TAF4B: variants seen among roughly 807,000 people sequenced by gnomAD.
TAF4B encodes the protein TATA-box binding protein associated factor 4b, also known as transcription initiation factor TFIID subunit 4B.
A neutral mutation model predicts 86.4 loss-of-function variants in TAF4B; 38 were observed. That is an observed-to-expected ratio of 0.44 (90% CI 0.34 to 0.58). TAF4B has a LOEUF of 0.58. TAF4B is among the 20% of genes least tolerant of loss of function. The pLI is 0.02. For missense variants in TAF4B, 988 were observed against 1,027.6 expected (o/e 0.96, Z 0.53); for synonymous variants, 388 against 391.2 (o/e 0.99, Z 0.10).
chr18:26,314,755 G>A (rs1457828806), intron 9 of TAF4B, among the ~76,000 whole-genome samples: 4 of 152,194 alleles, frequency 2.6e-5, no homozygotes, highest in Non-Finnish European at 5.9e-5. Flanking sequence ...ACTGGGGACA[G>A]CTGATGGACT....
rs771150440 is a variant in TAF4B, at chr18:26,274,809, G to C, written c.744G>C (p.Gln248His). Residue 248 changes from glutamine to histidine, a missense_variant, in exon 4 of 15, where the codon CAG becomes CAC. Gln to His is a conservative substitution (Grantham distance 24). Coordinates refer to ENST00000269142, the MANE Select transcript of TAF4B (RefSeq NM_005640.3). Reference sequence around the variant, plus strand: ...AAGCAGAGAACTCAGCAGCTGTTCAGATTAATCTTTCTCCGGTAAGCTCTT... The same window carrying C: ...AAGCAGAGAACTCAGCAGCTGTTCACATTAATCTTTCTCCGGTAAGCTCTT... The part of the protein sequence containing the change: ...NLKAENSAAV[Q>H]INLSPTMLEN... The C allele has an allele frequency of 8.1e-6, 13 of 1,614,044 alleles. No homozygotes were observed. The highest frequency in any genetic ancestry group is 1.0e-5 in the Non-Finnish European group (12 of 1,180,022).
At chr18:26,354,135 G>A (rs1173241550) in intron 13 of TAF4B, among the ~76,000 whole-genome samples, 1 of 152,158 alleles carries the variant, frequency 6.6e-6, no homozygotes, top group African/African-American at 2.4e-5. Flanking sequence ...GAGTGCAGTG[G>A]CATGATCTCG....
At chr18:26,384,185 GTAAATC>G (rs1978310190) in intron 14 of TAF4B, among the ~76,000 whole-genome samples, 1 of 152,180 alleles carries the variant, frequency 6.6e-6, no homozygotes, top group Non-Finnish European at 1.5e-5. Context: ...GGGACTTAGT[GTAAATC>G]AGGTAGAATC....
chr18:26,385,686 T>TTG (rs1341775250), intron 14 of TAF4B, among the ~76,000 whole-genome samples: 4 of 141,948 alleles, frequency 2.8e-5, no homozygotes, highest in East Asian at 2.0e-4. Context: ...AGCGTTTTTT[T>TTG]TTTTTTTTCT....
At chr18:26,374,593 C>G (rs2057430174) in intron 14 of TAF4B, among the ~76,000 whole-genome samples, 1 of 152,172 alleles carries the variant, frequency 6.6e-6, no homozygotes, top group African/African-American at 2.4e-5. Flanking sequence ...TGATTAACAA[C>G]AAACCAACGT....
At chr18:26,370,815 T>A (rs1181098822) in intron 14 of TAF4B, among the ~76,000 whole-genome samples, 1 of 151,976 alleles carries the variant, frequency 6.6e-6, no homozygotes, top group East Asian at 1.9e-4. Flanking sequence ...AGGCTAGGAG[T>A]GGCTTTAACA....
intron 13 of TAF4B, among the ~76,000 whole-genome samples, chr18:26,352,270 A>G (rs1381611104): frequency 6.6e-6 from 1 of 152,058 alleles, no homozygotes; most frequent in African/African-American, 2.4e-5. Flanking sequence ...ATCTTTAAGC[A>G]ACTCAAATCA....
intron 9 of TAF4B, among the ~76,000 whole-genome samples, chr18:26,298,153 C>T (rs576583650): frequency 6.6e-6 from 1 of 150,436 alleles, no homozygotes; most frequent in East Asian, 2.0e-4. Context: ...GTTCTTATTG[C>T]CCATTTATGT....
At chr18:26,288,357 G>A (rs1020973352) in intron 7 of TAF4B, among the ~76,000 whole-genome samples, 1 of 152,166 alleles carries the variant, frequency 6.6e-6, no homozygotes, top group Non-Finnish European at 1.5e-5. Flanking sequence ...TTAAGTGGCC[G>A]GGCGCAGCGG....
At chr18:26,256,260 C>T (rs1015800493) in intron 1 of TAF4B, 17 of 1,519,356 alleles carry the variant, frequency 1.1e-5, no homozygotes, top group African/African-American at 5.5e-5. Flanking sequence ...CTTTTCATAG[C>T]GTTTACTGTC....
chr18:26,333,785 ATTT>A (rs1332034336), intron 12 of TAF4B, among the ~76,000 whole-genome samples: 2 of 151,996 alleles, frequency 1.3e-5, no homozygotes, highest in African/African-American at 4.8e-5. Flanking sequence ...AATGTGTTTC[ATTT>A]TTATAAAATT....
intron 9 of TAF4B, among the ~76,000 whole-genome samples, chr18:26,314,861 C>T (rs767639696): frequency 3.9e-5 from 6 of 152,020 alleles, no homozygotes; most frequent in Non-Finnish European, 5.9e-5. Context: ...CTCCAAATGC[C>T]TCTTGGTGTT....
At chr18:26,320,970 A>G (rs182320610) in intron 10 of TAF4B, 100 bp from the exon 11 acceptor site, 2 of 1,405,912 alleles carry the variant, frequency 1.4e-6, no homozygotes, top group East Asian at 4.6e-5. Context: ...TTTATTCATA[A>G]TGGGTATGAC....
rs1475521822 is a variant in TAF4B at position 26,346,881 on chromosome 18, A to ATATATATATATATGTG, written c.2317-10796_2317-10795insGTGTATATATATATAT. On this transcript the variant is annotated intron_variant, in intron 13 of 14. Coordinates refer to ENST00000269142, the MANE Select transcript of TAF4B (RefSeq NM_005640.3). Reference sequence around the variant, plus strand: ...TATGTGTATATATATATATGTGTATATATATATATATATATATATGTGTGT... The same window carrying ATATATATATATATGTG: ...TATGTGTATATATATATATGTGTATATATATATATATATGTGTATATATATATATATATATGTGTGT... Among the ~76,000 whole-genome samples the ATATATATATATATGTG allele has an allele frequency of 2.0e-3, 16 of 8,026 alleles. 5 individuals are homozygous for ATATATATATATATGTG. Among genetic ancestry groups the ATATATATATATATGTG allele is most frequent in the African/African-American group, 3.0e-3 (15 of 5,072 alleles). The allele number at this position is 8,026 out of a possible 152,430, so 5.3% of individuals were successfully genotyped here.
In TAF4B at chr18:26,317,138, T is replaced by G. The variant is rs187832411; in HGVS notation, c.2002+1740T>G. ...TCCGCCTCCCGGGTTCAAGCGATTC[T>G]CCTGCCTCAACCTCCCGAGTAGCTG... On this transcript the variant is annotated intron_variant, in intron 10 of 14. Transcript: ENST00000269142. 4.1e-3 allele frequency among the ~76,000 whole-genome samples: 615 copies of G among 151,158 alleles called. 5 individuals carry two copies. Among genetic ancestry groups the G allele is most frequent in the Non-Finnish European group, 6.9e-3 (465 of 67,830 alleles).
At chr18:26,357,082 A>T (rs1221422496) in intron 13 of TAF4B, among the ~76,000 whole-genome samples, 1 of 152,156 alleles carries the variant, frequency 6.6e-6, no homozygotes, top group Admixed American at 6.5e-5. Context: ...GAGGTTTTTA[A>T]TGAGAGCATT....
chr18:26,286,873 G>C (rs1251715182), intron 7 of TAF4B, among the ~76,000 whole-genome samples: 1 of 152,022 alleles, frequency 6.6e-6, no homozygotes, highest in Non-Finnish European at 1.5e-5. Context: ...TGTTAGAGAT[G>C]GAGTTTCTCC....
Position 26,255,228 on chromosome 18 carries a change from C to G in TAF4B, c.344-9942C>G, listed in dbSNP as rs115691443. Among the ~76,000 whole-genome samples, 1,263 of 152,210 alleles carry G rather than the reference C, an allele frequency of 8.3e-3. 19 individuals are homozygous for G. Among genetic ancestry groups the G allele is most frequent in the African/African-American group, 0.029 (1,211 of 41,502 alleles). On this transcript the variant is annotated intron_variant, in intron 1 of 14. Coordinates refer to ENST00000269142, the MANE Select transcript of TAF4B (RefSeq NM_005640.3). ...AAGAGCACTTTACAGCAGCATTAAGCTTTCCTATGAAATACTCAGCATCTT... is the reference window on the plus strand; with the variant it reads ...AAGAGCACTTTACAGCAGCATTAAGGTTTCCTATGAAATACTCAGCATCTT...
chr18:26,229,039 T>C (rs2055622328), intron 1 of TAF4B, among the ~76,000 whole-genome samples: 2 of 152,104 alleles, frequency 1.3e-5, no homozygotes, highest in Non-Finnish European at 2.9e-5. Flanking sequence ...ACGCTATGCT[T>C]ATTTTTTTAC....
Sources: gnomAD v4.1 joint callset for allele counts (sites outside exome capture counted in the v4.1 genomes callset) on GRCh38, gnomAD v4.1.1 for gene constraint, MANE v1.5 for transcripts, NCBI Gene and HGNC (gene_info 2026-07-23, HGNC 2026-07-21) for gene names.